Variants in SGMS2 observed in about 807,000 individuals in gnomAD.
The protein encoded by SGMS2 is phosphatidylcholine:ceramide cholinephosphotransferase 2.
Under a neutral mutation model 43.8 loss-of-function variants are expected in SGMS2, and 21 were observed. The ratio of observed to expected loss-of-function variants is 0.48; its 90% confidence interval spans 0.34 to 0.69. The LOEUF is 0.69. Among genes scored for constraint, SGMS2 ranks in the 30% least tolerant of loss-of-function variants. The pLI is 0.01. For missense variants in SGMS2, 384 were observed against 443.2 expected, an observed-to-expected ratio of 0.87 and a Z score of 1.20; for synonymous variants, 167 against 160.6, an observed-to-expected ratio of 1.04 and a Z score of -0.30.
intron 1 of SGMS2, among the ~76,000 whole-genome samples, chr4:107,840,760 G>A (rs893271625): frequency 6.6e-6 from 1 of 152,138 alleles, no homozygotes; most frequent in Non-Finnish European, 1.5e-5. Flanking sequence ...GGCAGGTTAT[G>A]CTCTAGGGCC....
At chr4:107,845,041 C>G (rs751876967) in intron 1 of SGMS2, among the ~76,000 whole-genome samples, 1 of 152,092 alleles carries the variant, frequency 6.6e-6, no homozygotes, top group Non-Finnish European at 1.5e-5. Flanking sequence ...AGGGGCAAGC[C>G]AGAGCCCATA....
chr4:107,896,021 A>G lies in SGMS2; in HGVS notation c.455+13A>G, dbSNP rs1322469646. On this transcript the variant is annotated intron_variant, in intron 3 of 6. Coordinates refer to ENST00000690982, the MANE Select transcript of SGMS2 (RefSeq NM_001375905.1). ...TTCTGAGATACAAGTAAGTAAATCT[A>G]ATGTTTTGAGGATTTGTCATGGGTT... 4 of 1,600,718 alleles carry G rather than the reference A, an allele frequency of 2.5e-6. No homozygotes were observed. The highest frequency in any genetic ancestry group is 1.3e-5 in the African/African-American group (1 of 74,616).
intron 3 of SGMS2, 55 bp downstream of exon 3, chr4:107,896,063 G>C: frequency 2.0e-6 from 3 of 1,487,350 alleles, no homozygotes; most frequent in South Asian, 1.3e-5. Context: ...TGAGTGAATA[G>C]ATGGGTTATT....
intron 2 of SGMS2, among the ~76,000 whole-genome samples, chr4:107,875,497 G>A (rs1205257787): frequency 1.3e-5 from 2 of 152,118 alleles, no homozygotes; most frequent in African/African-American, 4.8e-5. Flanking sequence ...ATACACTGCT[G>A]CCCACCTACC....
At chr4:107,890,516 C>A (rs1324798476) in intron 2 of SGMS2, among the ~76,000 whole-genome samples, 2 of 151,638 alleles carry the variant, frequency 1.3e-5, no homozygotes, top group South Asian at 2.1e-4. Context: ...CTGTACTAAA[C>A]ATACAAAAAT....
chr4:107,844,304 A>G (rs1051343071), intron 1 of SGMS2, among the ~76,000 whole-genome samples: 3 of 151,860 alleles, frequency 2.0e-5, no homozygotes, highest in East Asian at 1.9e-4. Context: ...AGCCTGGGTG[A>G]CAGAGTGAGA....
At chr4:107,827,914 A>T (rs770694539) in intron 1 of SGMS2, among the ~76,000 whole-genome samples, 1 of 152,166 alleles carries the variant, frequency 6.6e-6, no homozygotes, top group Non-Finnish European at 1.5e-5. Context: ...TGAACCTGGG[A>T]GGTGGAGGTT....
chr4:107,856,108 A>G (rs2126023348), intron 1 of SGMS2, among the ~76,000 whole-genome samples: 1 of 152,300 alleles, frequency 6.6e-6, no homozygotes, highest in East Asian at 1.9e-4. Flanking sequence ...ACACCTTGTG[A>G]TCAAGAAACC....
At position 107,911,995 on chromosome 4, in the gene SGMS2, A is replaced by G. The variant is rs1732155663; in HGVS notation, c.*1442A>G. 2 of 152,198 alleles carry G rather than the reference A, an allele frequency of 1.3e-5. No individual in the cohort carries two copies. Among genetic ancestry groups the G allele is most frequent in the Admixed American group, 1.3e-4 (2 of 15,278 alleles). The allele number at this position is 152,198 out of a possible 1,614,324, so 9.4% of individuals were successfully genotyped here. A position where few individuals can be genotyped will look rare whatever the true frequency, so the allele number is the denominator to read the frequency against. Reference sequence around the variant, plus strand: ...ACTGGGGCAGAGGGTGGAGAGGCCAATGCGGGTAGAAGGAGGCAGTTATGT... The same window carrying G: ...ACTGGGGCAGAGGGTGGAGAGGCCAGTGCGGGTAGAAGGAGGCAGTTATGT... On this transcript the variant is annotated 3_prime_UTR_variant, in exon 7 of 7. Coordinates refer to ENST00000690982, the MANE Select transcript of SGMS2 (RefSeq NM_001375905.1).
intron 6 of SGMS2, 126 bp from the exon 7 acceptor site, chr4:107,910,224 T>C (rs1732001576): frequency 1.3e-6 from 1 of 787,824 alleles, no homozygotes; most frequent in Non-Finnish European, 2.0e-6. Context: ...GACATGAAAA[T>C]CATTACTGCC....
chr4:107,851,615 T>A (rs1469030322), intron 1 of SGMS2, among the ~76,000 whole-genome samples: 2 of 152,196 alleles, frequency 1.3e-5, no homozygotes, highest in Non-Finnish European at 2.9e-5. Flanking sequence ...ATAACACTTC[T>A]GTATATCCTG....
intron 1 of SGMS2, among the ~76,000 whole-genome samples, chr4:107,837,657 A>T (rs1465094638): frequency 6.6e-6 from 1 of 152,146 alleles, no homozygotes; most frequent in East Asian, 1.9e-4. Flanking sequence ...TCTGTAATAG[A>T]TCCCTCTGGC....
rs938440106 is a variant in SGMS2, at chr4:107,913,773, A to C, written c.*3220A>C. ...TTAGTGTCTCCCTTTATAACGACCT[A>C]TGTTTTGTTTACTTTGAAACACCAA... On this transcript the variant is annotated 3_prime_UTR_variant, in exon 7 of 7. Coordinates refer to ENST00000690982, the MANE Select transcript of SGMS2 (RefSeq NM_001375905.1). The C allele has an allele frequency of 6.6e-6, 1 of 152,096 alleles. No individual in the cohort carries two copies. The highest frequency in any genetic ancestry group is 1.5e-5 in the Non-Finnish European group (1 of 67,992). The allele number at this position is 152,096 out of a possible 1,614,324, so 9.4% of individuals were successfully genotyped here.
intron 2 of SGMS2, among the ~76,000 whole-genome samples, chr4:107,880,820 C>G (rs1729276544): frequency 1.4e-5 from 2 of 148,044 alleles, no homozygotes; most frequent in South Asian, 4.3e-4. Flanking sequence ...TGCCACTGCA[C>G]TCCAGCCTAG....
intron 6 of SGMS2, 120 bp downstream of exon 6, chr4:107,908,851 A>G (rs1731839113): frequency 2.5e-6 from 2 of 806,270 alleles, no homozygotes; most frequent in African/African-American, 3.5e-5. Flanking sequence ...TCACTTAAAC[A>G]TATATCCATT....
chr4:107,910,406 C>T lies in SGMS2; in HGVS notation c.951C>T (p.Ile317=). The T allele has an allele frequency of 6.2e-7, 1 of 1,614,134 alleles. No homozygotes were observed. The highest frequency in any genetic ancestry group is 2.2e-5 in the East Asian group (1 of 44,876). ...NFLSRAWWFP[I]FYFFEKNVQG... ...TATCTCGAGCATGGTGGTTCCCCAT[C>T]TTTTATTTTTTTGAGAAAAATGTAC... The change falls in exon 7 of 7, where the codon ATC becomes ATT. Residue 317 remains isoleucine, a synonymous_variant. Transcript: ENST00000690982.
chr4:107,873,511 A>G (rs1489705026), intron 2 of SGMS2: 1 of 152,126 alleles, frequency 6.6e-6, no homozygotes, highest in Non-Finnish European at 1.5e-5. Context: ...GTGCAAAGAA[A>G]GACGAGCATC....
intron 2 of SGMS2, among the ~76,000 whole-genome samples, chr4:107,895,006 T>C (rs1730547565): frequency 6.6e-6 from 1 of 152,192 alleles, no homozygotes; most frequent in South Asian, 2.1e-4. Flanking sequence ...CAAGTGATAG[T>C]GTCTGATGAA....
intron 1 of SGMS2, among the ~76,000 whole-genome samples, chr4:107,853,885 G>GA (rs1727284992): frequency 6.6e-6 from 1 of 152,094 alleles, no homozygotes; most frequent in Admixed American, 6.6e-5. Context: ...GGTCTGGAAT[G>GA]GTCAAAAAAA....
Sources: gnomAD v4.1 joint callset for allele counts (sites outside exome capture counted in the v4.1 genomes callset) on GRCh38, gnomAD v4.1.1 for gene constraint, MANE v1.5 for transcripts, NCBI Gene and HGNC (gene_info 2026-07-23, HGNC 2026-07-21) for gene names.